Variants in UTP4 observed in about 807,000 individuals in gnomAD.
UTP4 encodes UTP4 small subunit processome component.
UTP4 carries 45 observed loss-of-function variants against 82.4 expected under a neutral mutation model. That is an observed-to-expected ratio of 0.55 (90% CI 0.43 to 0.70). UTP4 has a LOEUF of 0.70. Among genes scored for constraint, UTP4 ranks in the 30% least tolerant of loss-of-function variants. UTP4 has a pLI of 0.00. For synonymous variants in UTP4, 348 were observed against 300.3 expected, an observed-to-expected ratio of 1.16 and a Z score of -1.64; for missense variants, 819 against 858.3, an observed-to-expected ratio of 0.95 and a Z score of 0.57.
chr16:69,166,921 T>C, intron 15 of UTP4, 154 bp from the exon 16 acceptor site: 2 of 637,356 alleles, frequency 3.1e-6, no homozygotes, highest in East Asian at 2.6e-5. Context: ...GTATTATGGC[T>C]ACAGCTGTTT....
rs780895786 is a variant in UTP4 at position 69,160,463 on chromosome 16, G to A, written c.1551+1G>A. 4 of 1,609,800 alleles carry A rather than the reference G, an allele frequency of 2.5e-6. No homozygotes were observed. In the African/African-American group the frequency reaches 5.3e-5, roughly 22 times the overall value. On this transcript the variant is annotated splice_donor_variant, in intron 13 of 16. Coordinates refer to ENST00000314423, the MANE Select transcript of UTP4 (RefSeq NM_032830.3). LOFTEE classifies it high-confidence loss of function. ...TGTCTACAACGTAAAACAGCTAAAG[G>A]TGAGCATAGGGTTTCATGGCAGCAG...
rs886149043 is a variant in UTP4, at chr16:69,143,179, C to T, written c.528C>T (p.Gly176=). 1.2e-6 allele frequency: 2 copies of T among 1,613,956 alleles called. No individual in the cohort carries two copies. Among genetic ancestry groups the T allele is most frequent in the Non-Finnish European group, 1.7e-6 (2 of 1,179,892 alleles). ...DYISVFDVKS[G]SAVHKMIVDR... is the part of the protein sequence containing the mutation. The stretch of plus-strand genomic sequence containing the variant: ...AGGTGTGCTTTTCTGATTTTTCAGG[C>T]AGCGCTGTTCATAAGATGATTGTGG... The change falls in exon 6 of 17, where the codon GGC becomes GGT. Residue 176 remains glycine, a splice_region_variant and synonymous_variant. Transcript: ENST00000314423.
chr16:69,157,854 C>T (rs1963460368), intron 12 of UTP4, among the ~76,000 whole-genome samples: 1 of 127,194 alleles, frequency 7.9e-6, no homozygotes, highest in South Asian at 2.5e-4. Flanking sequence ...ATCCTGCCCT[C>T]CCAGCTGAGA....
chr16:69,168,433 CAAAAAAAA>C (rs34234554), intron 16 of UTP4, among the ~76,000 whole-genome samples: 1 of 51,602 alleles, frequency 1.9e-5, no homozygotes, highest in Non-Finnish European at 3.8e-5. Flanking sequence ...GAGACTGTCT[CAAAAAAAA>C]AAAAAAAAAA....
At chr16:69,138,519 C>T (rs972619657) in intron 4 of UTP4, among the ~76,000 whole-genome samples, 3 of 152,126 alleles carry the variant, frequency 2.0e-5, no homozygotes, top group African/African-American at 7.2e-5. Context: ...GATTACAGGC[C>T]TGAGCCACTT....
At chr16:69,148,039 C>T (rs1373745737) in intron 6 of UTP4, among the ~76,000 whole-genome samples, 4 of 152,064 alleles carry the variant, frequency 2.6e-5, no homozygotes, top group East Asian at 1.9e-4. Context: ...CTGCAAGCTC[C>T]GCCTCCCTGG....
intron 15 of UTP4, chr16:69,166,873 T>G: frequency 1.7e-6 from 1 of 581,076 alleles, no homozygotes; most frequent in African/African-American, 1.9e-5. Context: ...TCTCTCTCCT[T>G]TTCTTCTTTT....
At chr16:69,155,798 A>T in intron 10 of UTP4, 73 bp from the exon 11 acceptor site, 1 of 1,542,402 alleles carries the variant, frequency 6.5e-7, no homozygotes, top group Non-Finnish European at 9.0e-7. Context: ...CAAGAGCTTG[A>T]GGCGTCATGT....
intron 11 of UTP4, among the ~76,000 whole-genome samples, chr16:69,156,577 G>T (rs899646835): frequency 1.3e-5 from 2 of 151,588 alleles, no homozygotes; most frequent in Non-Finnish European, 2.9e-5. Context: ...TCCTGCCTCA[G>T]CCTCCCGAGT....
intron 15 of UTP4, chr16:69,166,438 TTTGTAA>T (rs1462024856): frequency 6.5e-6 from 1 of 152,868 alleles, no homozygotes; most frequent in Non-Finnish European, 1.5e-5. Flanking sequence ...CTCTTGCCTC[TTTGTAA>T]TTGAGCCCAG....
At chr16:69,163,567 G>A (rs1442033007) in intron 14 of UTP4, among the ~76,000 whole-genome samples, 1 of 152,002 alleles carries the variant, frequency 6.6e-6, no homozygotes, top group East Asian at 1.9e-4. Flanking sequence ...CTTTACGCTT[G>A]CCGATGAGGA....
At chr16:69,159,995 A>G (rs1287402310) in intron 12 of UTP4, among the ~76,000 whole-genome samples, 1 of 151,968 alleles carries the variant, frequency 6.6e-6, no homozygotes, top group African/African-American at 2.4e-5. Context: ...AAAAAAAAAA[A>G]AACAAAAAAC....
chr16:69,167,409 T>C (rs1253852101), intron 16 of UTP4: 25 of 538,328 alleles, frequency 4.6e-5, no homozygotes, highest in Non-Finnish European at 2.0e-5. Context: ...CAAAATGAAA[T>C]GCGTAAGTAG....
intron 15 of UTP4, chr16:69,166,670 A>G (rs1168691705): frequency 2.4e-5 from 5 of 205,528 alleles, no homozygotes; most frequent in Non-Finnish European, 4.9e-5. Context: ...GAGTCTAGAA[A>G]GCACAGACCC....
chr16:69,162,006 T>C (rs1447798243), intron 13 of UTP4, among the ~76,000 whole-genome samples: 2 of 150,778 alleles, frequency 1.3e-5, no homozygotes, highest in East Asian at 4.0e-4. Flanking sequence ...CTTGCACTGT[T>C]GCCCAGGCTG....
Position 69,148,343 on chromosome 16 carries a change from C to A in UTP4, c.739-2194C>A, listed in dbSNP as rs145413850. 4.9e-3 allele frequency among the ~76,000 whole-genome samples: 750 copies of A among 151,822 alleles called. 3 individuals carry two copies. The highest frequency in any genetic ancestry group is 0.018 in the African/African-American group (731 of 41,462). ...AACCCCTGACTTCAAGTGATCCGCC[C>A]GCCTCGGCTTCCCAAAGTGTTGGAA... is the stretch of plus-strand genomic sequence containing the variant. On this transcript the variant is annotated intron_variant, in intron 6 of 16. Transcript: ENST00000314423.
intron 4 of UTP4, among the ~76,000 whole-genome samples, chr16:69,138,256 G>A (rs1234412033): frequency 2.7e-5 from 4 of 146,782 alleles, no homozygotes; most frequent in Non-Finnish European, 6.0e-5. Context: ...TTTTTCTGGA[G>A]GCAGAGTGTC....
At position 69,165,541 on chromosome 16, in the gene UTP4, G is replaced by C. The variant is rs1375017805; in HGVS notation, c.1833+15G>C. ...ACAAGTCATTGGTGAGTTCTTCACTGCTACCTCCCAAATCTTCTTCTGAAT... is the reference window on the plus strand; with the variant it reads ...ACAAGTCATTGGTGAGTTCTTCACTCCTACCTCCCAAATCTTCTTCTGAAT... On this transcript the variant is annotated intron_variant, in intron 15 of 16. Transcript: ENST00000314423. 1.2e-6 allele frequency: 2 copies of C among 1,605,124 alleles called. No homozygotes were observed. Among genetic ancestry groups the C allele is most frequent in the Non-Finnish European group, 1.7e-6 (2 of 1,172,056 alleles).
At position 69,155,895 on chromosome 16, in the gene UTP4, T is replaced by C; in HGVS notation, c.1189T>C (p.Cys397Arg). The change falls in exon 11 of 17, where the codon TGT becomes CGT. Residue 397 changes from cysteine (C) to arginine (R), a missense_variant. Transcript: ENST00000314423. ...TKGPENIICS[C>R]ISPCGSWIAY... ...GGGTCCTGAGAACATTATCTGTAGC[T>C]GTATCTCCCCATGTGGAAGTTGGAT... is the stretch of plus-strand genomic sequence containing the variant. 3 of 1,614,142 alleles carry C rather than the reference T, an allele frequency of 1.9e-6. No homozygotes were observed. The highest frequency in any genetic ancestry group is 2.2e-5 in the East Asian group (1 of 44,886).
Sources: allele counts gnomAD v4.1 joint callset (sites outside exome capture counted in the v4.1 genomes callset), GRCh38; gene constraint gnomAD v4.1.1; transcripts MANE v1.5; gene names NCBI Gene and HGNC (gene_info 2026-07-23, HGNC 2026-07-21).